Variants in SGCZ observed in about 807,000 individuals in gnomAD.
SGCZ encodes the protein zeta-sarcoglycan.
In SGCZ, 40 loss-of-function variants were observed where a neutral mutation model predicts 41.3. That is an observed-to-expected ratio of 0.97 (90% CI 0.75 to 1.26). The LOEUF is 1.26. Ranked by LOEUF, SGCZ falls within the 50% of genes most tolerant of loss-of-function variation. The probability of loss-of-function intolerance (pLI) is 0.00; values close to 1 mark genes in which losing one functional copy is unlikely to be tolerated. For synonymous variants in SGCZ, 206 were observed against 137.5 expected (o/e 1.50, Z -3.49); for missense variants, 552 against 369.8 (o/e 1.49, Z -4.04).
chr8:15,147,518 T>C lies in SGCZ; in HGVS notation c.39+90067A>G, dbSNP rs567497769. ...GTCTCGAACTCCTGACCTCAGGTGA[T>C]CCACCTCCCTCGGCCCCACAAAGTG... is the stretch of plus-strand genomic sequence containing the variant. On this transcript the variant is annotated intron_variant, in intron 1 of 7. Coordinates refer to ENST00000382080, the MANE Select transcript of SGCZ (RefSeq NM_139167.4). 1.1e-4 allele frequency among the ~76,000 whole-genome samples: 16 copies of C among 152,302 alleles called. No homozygotes were observed. The South Asian group carries it at 3.3e-3, about 32-fold the overall frequency.
chr8:14,515,196 A>C (rs1255154994), intron 2 of SGCZ, among the ~76,000 whole-genome samples: 1 of 151,956 alleles, frequency 6.6e-6, no homozygotes, highest in African/African-American at 2.4e-5. Context: ...AATAAAACTG[A>C]ACTTCTAGGC....
At chr8:14,762,132 T>A (rs2130359344) in intron 1 of SGCZ, among the ~76,000 whole-genome samples, 1 of 152,316 alleles carries the variant, frequency 6.6e-6, no homozygotes, top group African/African-American at 2.4e-5. Context: ...TATCTACTTC[T>A]AATAGAGATT....
chr8:14,124,665 T>C (rs886965549), intron 5 of SGCZ, among the ~76,000 whole-genome samples: 11 of 152,208 alleles, frequency 7.2e-5, no homozygotes, highest in Non-Finnish European at 1.3e-4. Flanking sequence ...TACATCAAGA[T>C]AAAGAGTTTC....
intron 1 of SGCZ, among the ~76,000 whole-genome samples, chr8:14,565,391 T>C (rs914947500): frequency 5.3e-5 from 8 of 152,094 alleles, no homozygotes; most frequent in Admixed American, 1.3e-4. Context: ...TCTCAGAGCT[T>C]TTCTGCTAAT....
At chr8:14,164,367 T>C (rs1027640336) in intron 5 of SGCZ, among the ~76,000 whole-genome samples, 4 of 152,140 alleles carry the variant, frequency 2.6e-5, no homozygotes. Flanking sequence ...GAGATGGCTT[T>C]ACTTTTATGT....
intron 1 of SGCZ, among the ~76,000 whole-genome samples, chr8:15,207,290 A>C (rs1370111147): frequency 6.6e-6 from 1 of 152,208 alleles, no homozygotes; most frequent in Non-Finnish European, 1.5e-5. Flanking sequence ...CTAGATATTT[A>C]GCGGGAATTA....
At chr8:14,871,177 A>C (rs1804135189) in intron 1 of SGCZ, among the ~76,000 whole-genome samples, 2 of 152,142 alleles carry the variant, frequency 1.3e-5, no homozygotes. Context: ...ATTGCACTCC[A>C]GCCTGGGCAA....
chr8:14,563,366 G>A (rs932988063), intron 1 of SGCZ, among the ~76,000 whole-genome samples: 5 of 152,246 alleles, frequency 3.3e-5, no homozygotes, highest in East Asian at 1.9e-4. Flanking sequence ...CTGGATAGAC[G>A]GCAAAGGCTA....
chr8:14,507,306 C>A (rs757784177), intron 2 of SGCZ, among the ~76,000 whole-genome samples: 4 of 152,174 alleles, frequency 2.6e-5, no homozygotes, highest in Non-Finnish European at 5.9e-5. Context: ...CCATCCCAAG[C>A]ATTCCATCAA....
At chr8:14,939,614 T>C (rs1306484503) in intron 1 of SGCZ, among the ~76,000 whole-genome samples, 1 of 152,176 alleles carries the variant, frequency 6.6e-6, no homozygotes, top group Non-Finnish European at 1.5e-5. Context: ...AGAGTGGATG[T>C]CATCTCAGAA....
At chr8:14,628,316 C>T (rs968241513) in intron 1 of SGCZ, among the ~76,000 whole-genome samples, 1 of 149,642 alleles carries the variant, frequency 6.7e-6, no homozygotes, top group Non-Finnish European at 1.5e-5. Flanking sequence ...TTTTAATTTA[C>T]CTATAAGGAA....
At chr8:14,612,871 A>G (rs1477589253) in intron 1 of SGCZ, among the ~76,000 whole-genome samples, 5 of 152,088 alleles carry the variant, frequency 3.3e-5, no homozygotes, top group Non-Finnish European at 7.4e-5. Context: ...ATTTTAGTAG[A>G]TACGGGGTTT....
intron 5 of SGCZ, 100 bp downstream of exon 5, chr8:14,164,480 C>T (rs768425508): frequency 1.8e-5 from 26 of 1,423,272 alleles, no homozygotes; most frequent in Middle Eastern, 1.8e-4. Flanking sequence ...TAAGACTCTA[C>T]TTTAGGCATA....
chr8:14,644,032 T>G (rs1237690522), intron 1 of SGCZ, among the ~76,000 whole-genome samples: 1 of 151,768 alleles, frequency 6.6e-6, no homozygotes, highest in Non-Finnish European at 1.5e-5. Flanking sequence ...ATGTAAGGTC[T>G]ATCAAGGATA....
intron 1 of SGCZ, among the ~76,000 whole-genome samples, chr8:14,884,636 T>G (rs1354563545): frequency 1.3e-5 from 2 of 152,146 alleles, no homozygotes; most frequent in Admixed American, 1.3e-4. Flanking sequence ...AAAAATATGA[T>G]AGAGATCTCC....
chr8:14,297,154 C>G (rs1801039693), intron 3 of SGCZ, among the ~76,000 whole-genome samples: 1 of 152,172 alleles, frequency 6.6e-6, no homozygotes, highest in East Asian at 1.9e-4. Flanking sequence ...AACTCCTGAC[C>G]TCAGGTGATC....
rs974113569 is a variant in SGCZ, at chr8:15,191,241, C to T, written c.39+46344G>A. ...TCTAAACTTAATTACATATATTGTTCAAGACTGAAAAATTCTAAATTTTCG... is the reference window on the plus strand; with the variant it reads ...TCTAAACTTAATTACATATATTGTTTAAGACTGAAAAATTCTAAATTTTCG... On this transcript the variant is annotated intron_variant, in intron 1 of 7. Transcript: ENST00000382080. Among the ~76,000 whole-genome samples, 8 of 152,012 alleles carry T rather than the reference C, an allele frequency of 5.3e-5. No individual in the cohort carries two copies. In the South Asian group the frequency reaches 6.2e-4, roughly 12 times the overall value.
chr8:14,157,333 CCT>C (rs1389187728), intron 5 of SGCZ, among the ~76,000 whole-genome samples: 1 of 106,750 alleles, frequency 9.4e-6, no homozygotes, highest in East Asian at 2.6e-4. Flanking sequence ...CATATATATG[CCT>C]CTGTGTGTGT....
chr8:14,475,194 G>T (rs930759835), intron 2 of SGCZ, among the ~76,000 whole-genome samples: 1 of 152,022 alleles, frequency 6.6e-6, no homozygotes, highest in Non-Finnish European at 1.5e-5. Context: ...ATTTCAATAT[G>T]AGTCTAATGA....
Sources: allele counts gnomAD v4.1 joint callset (sites outside exome capture counted in the v4.1 genomes callset), GRCh38; gene constraint gnomAD v4.1.1; transcripts MANE v1.5; gene names NCBI Gene and HGNC (gene_info 2026-07-23, HGNC 2026-07-21).